The following SCP2 variants were observed in gnomAD, a reference collection of about 807,000 sequenced individuals.
SCP2 encodes the protein SCP-2/3-oxoacyl-CoA thiolase.
Under a neutral mutation model 71.4 loss-of-function variants are expected in SCP2, and 48 were observed. The observed-to-expected ratio is 0.67, with a 90% CI of 0.53 to 0.86. SCP2 has a LOEUF of 0.86. Ranked by LOEUF, SCP2 falls within the 40% of genes least tolerant of loss-of-function variation. The pLI is 0.00. For missense variants in SCP2, 560 were observed against 655.6 expected, an observed-to-expected ratio of 0.85 and a Z score of 1.59; for synonymous variants, 220 against 218.1, an observed-to-expected ratio of 1.01 and a Z score of -0.08.
intron 10 of SCP2, among the ~76,000 whole-genome samples, chr1:52,982,975 A>T (rs192534478): frequency 2.6e-5 from 4 of 152,274 alleles, no homozygotes; most frequent in African/African-American, 9.6e-5. Context: ...TTTCTCTGTA[A>T]TCATTTTCTT....
intron 9 of SCP2, 49 bp downstream of exon 9, chr1:52,978,416 A>C (rs753771387): frequency 6.9e-7 from 1 of 1,453,446 alleles, no homozygotes; most frequent in Non-Finnish European, 9.6e-7. Context: ...ATGGAGTCTC[A>C]TGATTCTTGT....
At chr1:53,028,758 C>CA in intron 13 of SCP2, among the ~76,000 whole-genome samples, 1 of 151,920 alleles carries the variant, frequency 6.6e-6, no homozygotes, top group South Asian at 2.1e-4. Context: ...AACCTAGGGT[C>CA]AAAAAAACCT....
chr1:52,948,035 A>G lies in SCP2; in HGVS notation c.154A>G (p.Ile52Val). The change falls in exon 3 of 16, where the codon ATC (isoleucine) becomes GTC (valine). Residue 52 changes from isoleucine to valine, a missense_variant. Physicochemically the swap from Ile to Val is conservative, Grantham distance 29. Transcript: ENST00000371514. ...CAAGAAGGCTTTAGCTGATGCACAGATCCCTTATTCAGCAGTGGACCAGGC... is the reference window on the plus strand; with the variant it reads ...CAAGAAGGCTTTAGCTGATGCACAGGTCCCTTATTCAGCAGTGGACCAGGC... Reference protein sequence around the residue: ...AGKKALADAQIPYSAVDQACV... With the variant: ...AGKKALADAQVPYSAVDQACV... 3.7e-6 allele frequency: 6 copies of G among 1,613,350 alleles called. No individual in the cohort carries two copies. Among genetic ancestry groups the G allele is most frequent in the Non-Finnish European group, 5.1e-6 (6 of 1,179,376 alleles).
rs377690779 is a variant in SCP2 at position 53,004,886 on chromosome 1, G to A, written c.1082-10004G>A. ...TTCCCTTTCCTAGCCAAGGGAAGCCGTGACAGATGGTACCTGGAAAATTGG... is the reference window on the plus strand; with the variant it reads ...TTCCCTTTCCTAGCCAAGGGAAGCCATGACAGATGGTACCTGGAAAATTGG... On this transcript the variant is annotated intron_variant, in intron 11 of 15. Coordinates refer to ENST00000371514, the MANE Select transcript of SCP2 (RefSeq NM_002979.5). 5.9e-5 allele frequency among the ~76,000 whole-genome samples: 9 copies of A among 152,306 alleles called. No homozygotes were observed. In the East Asian group the frequency reaches 9.7e-4, roughly 16 times the overall value.
intron 2 of SCP2, among the ~76,000 whole-genome samples, chr1:52,944,199 G>A (rs920623003): frequency 9.2e-5 from 14 of 152,116 alleles, no homozygotes; most frequent in Non-Finnish European, 1.9e-4. Flanking sequence ...TTCCTGCTAC[G>A]TTGTTGCCAG....
chr1:52,979,527 T>C (rs1047982277), intron 9 of SCP2, among the ~76,000 whole-genome samples: 1 of 152,094 alleles, frequency 6.6e-6, no homozygotes, highest in Non-Finnish European at 1.5e-5. Context: ...ATTTTATTAT[T>C]TGAGGAGAAA....
intron 14 of SCP2, among the ~76,000 whole-genome samples, chr1:53,042,989 C>T (rs1040038324): frequency 6.6e-6 from 1 of 152,144 alleles, no homozygotes; most frequent in Non-Finnish European, 1.5e-5. Flanking sequence ...TTTGATTAAT[C>T]TAACATAACA....
intron 13 of SCP2, among the ~76,000 whole-genome samples, chr1:53,037,288 C>G (rs906960187): frequency 2.6e-5 from 4 of 151,950 alleles, no homozygotes; most frequent in African/African-American, 9.7e-5. Context: ...TTCTTTTAAA[C>G]AAGGTGTGTG....
chr1:52,955,747 A>G (rs1275473423), intron 5 of SCP2, among the ~76,000 whole-genome samples: 1 of 152,166 alleles, frequency 6.6e-6, no homozygotes, highest in Non-Finnish European at 1.5e-5. Context: ...CCTTCAAATA[A>G]AATTTTAAGG....
At chr1:52,936,488 A>T (rs767367264) in intron 1 of SCP2, among the ~76,000 whole-genome samples, 8 of 152,220 alleles carry the variant, frequency 5.3e-5, no homozygotes, top group Non-Finnish European at 8.8e-5. Context: ...TTTTGGATCC[A>T]GTTGCCAATT....
At chr1:52,945,024 A>T (rs1654645266) in intron 2 of SCP2, among the ~76,000 whole-genome samples, 1 of 152,028 alleles carries the variant, frequency 6.6e-6, no homozygotes, top group Non-Finnish European at 1.5e-5. Context: ...CACTGATTAT[A>T]AGAGCAATGC....
At chr1:52,988,161 C>A (rs1557589600) in intron 11 of SCP2, 25 bp downstream of exon 11, 1 of 1,163,326 alleles carries the variant, frequency 8.6e-7, no homozygotes, top group East Asian at 2.3e-5. Context: ...AGATTTCATA[C>A]ATTTTAAAAT....
chr1:53,012,530 CT>C (rs1472843452), intron 11 of SCP2, among the ~76,000 whole-genome samples: 1 of 152,212 alleles, frequency 6.6e-6, no homozygotes, highest in Non-Finnish European at 1.5e-5. Context: ...CCCTTTGCCC[CT>C]CTCTACGTAA....
At chr1:53,011,686 G>T (rs1225818553) in intron 11 of SCP2, among the ~76,000 whole-genome samples, 2 of 152,144 alleles carry the variant, frequency 1.3e-5, no homozygotes, top group Admixed American at 6.5e-5. Flanking sequence ...TCAACCCATG[G>T]GATCTGACAC....
chr1:52,954,624 A>G (rs1655628259), intron 4 of SCP2, 116 bp from the exon 5 acceptor site: 6 of 874,642 alleles, frequency 6.9e-6, no homozygotes, highest in South Asian at 6.8e-5. Context: ...TGATGGGACT[A>G]TAAGTTCGAG....
chr1:52,930,316 T>G (rs949962430), intron 1 of SCP2, among the ~76,000 whole-genome samples: 1 of 115,696 alleles, frequency 8.6e-6, no homozygotes, highest in Non-Finnish European at 2.1e-5. Context: ...CTAAAGTATA[T>G]CTTAAAAAAA....
intron 11 of SCP2, among the ~76,000 whole-genome samples, chr1:53,010,269 C>G (rs1660897170): frequency 6.6e-6 from 1 of 152,178 alleles, no homozygotes; most frequent in African/African-American, 2.4e-5. Flanking sequence ...CCAGCCATCC[C>G]ATTACTGGGT....
chr1:53,036,897 T>C (rs1871749), intron 13 of SCP2, among the ~76,000 whole-genome samples: 48,038 of 151,900 alleles, frequency 0.32, 12,697 homozygotes, highest in African/African-American at 0.72. Flanking sequence ...AATCCTAGCA[T>C]TTTGGGAGGC....
chr1:52,991,558 G>A (rs528627244), intron 11 of SCP2, among the ~76,000 whole-genome samples: 11 of 152,214 alleles, frequency 7.2e-5, no homozygotes, highest in African/African-American at 2.2e-4. Context: ...GTGCCACCAC[G>A]CCCAGCTAAT....
Sources: allele counts gnomAD v4.1 joint callset (sites outside exome capture counted in the v4.1 genomes callset), GRCh38; gene constraint gnomAD v4.1.1; transcripts MANE v1.5; gene names NCBI Gene and HGNC (gene_info 2026-07-23, HGNC 2026-07-21).